The following AK7 variants were observed in gnomAD, a reference collection of about 807,000 sequenced individuals.
The protein encoded by AK7 is adenylate kinase 7, also known as ATP-AMP transphosphorylase 7.
A neutral mutation model predicts 96.6 loss-of-function variants in AK7; 78 were observed. The observed-to-expected ratio is 0.81, with a 90% confidence interval of 0.67 to 0.97. The LOEUF (loss-of-function observed/expected upper bound fraction) is 0.97, where lower values mean the gene tolerates loss of function less well. Ranked by LOEUF, AK7 falls within the 50% of genes least tolerant of loss-of-function variation. The pLI is 0.00. For missense variants in AK7, 855 were observed against 887.9 expected, an observed-to-expected ratio of 0.96 and a Z score of 0.47; for synonymous variants, 302 against 317.2, an observed-to-expected ratio of 0.95 and a Z score of 0.51.
At chr14:96,398,950 T>C (rs568618051) in intron 2 of AK7, 1 of 151,912 alleles carries the variant, frequency 6.6e-6, no homozygotes, top group African/African-American at 2.4e-5. Flanking sequence ...GCTTTCCACA[T>C]GCTGTACCCT....
Position 96,442,830 on chromosome 14 carries a change from C to T in AK7, c.779+12C>T. 1 of 1,609,480 alleles carries T rather than the reference C, an allele frequency of 6.2e-7. No homozygotes were observed. Among genetic ancestry groups the T allele is most frequent in the Non-Finnish European group, 8.5e-7 (1 of 1,175,752 alleles). On this transcript the variant is annotated intron_variant, in intron 7 of 17. Transcript: ENST00000267584. ...CTTGATCTAGCAGGGTAAGCATTCG[C>T]CCAGAGACGTGACCTTCACAGAATT...
At chr14:96,405,005 A>G in intron 3 of AK7, 140 bp downstream of exon 3, 1 of 451,624 alleles carries the variant, frequency 2.2e-6, no homozygotes, top group Non-Finnish European at 4.0e-6. Flanking sequence ...GAAATCCATG[A>G]TAATAATATG....
chr14:96,429,923 C>T, intron 5 of AK7, among the ~76,000 whole-genome samples: 1 of 152,214 alleles, frequency 6.6e-6, no homozygotes. Context: ...GACAATTTGA[C>T]TTCCTCTTTT....
At chr14:96,449,927 T>G (rs573706481) in intron 9 of AK7, 48 bp downstream of exon 9, 2 of 1,329,826 alleles carry the variant, frequency 1.5e-6, no homozygotes, top group Non-Finnish European at 2.1e-6. Context: ...TTCTCAATAA[T>G]ATGGAGTATT....
At chr14:96,412,058 C>T (rs993611637) in intron 4 of AK7, among the ~76,000 whole-genome samples, 1 of 152,094 alleles carries the variant, frequency 6.6e-6, no homozygotes, top group African/African-American at 2.4e-5. Context: ...GTCTATAAAA[C>T]AGAGCCCTCC....
chr14:96,428,416 G>A (rs1036679129), intron 5 of AK7, among the ~76,000 whole-genome samples: 3 of 152,174 alleles, frequency 2.0e-5, no homozygotes, highest in Non-Finnish European at 2.9e-5. Flanking sequence ...TAGTGCCGCA[G>A]TAAACATATG....
At chr14:96,406,579 T>TG (rs1019860842) in intron 3 of AK7, among the ~76,000 whole-genome samples, 3 of 152,300 alleles carry the variant, frequency 2.0e-5, no homozygotes, top group African/African-American at 4.8e-5. Context: ...CAGAGTCACC[T>TG]GGGGGGTATG....
chr14:96,467,995 G>A (rs185225097), intron 12 of AK7, among the ~76,000 whole-genome samples: 1 of 148,852 alleles, frequency 6.7e-6, no homozygotes, highest in South Asian at 2.1e-4. Flanking sequence ...CCAGCGCTTT[G>A]AGAGGCTGAG....
chr14:96,413,517 A>G (rs1891161339), intron 4 of AK7, among the ~76,000 whole-genome samples: 1 of 152,150 alleles, frequency 6.6e-6, no homozygotes, highest in Admixed American at 6.5e-5. Flanking sequence ...CTGCCGGGCA[A>G]CCCCTGTCCC....
intron 1 of AK7, among the ~76,000 whole-genome samples, chr14:96,394,585 A>G (rs150379341): frequency 6.6e-6 from 1 of 152,358 alleles, no homozygotes; most frequent in East Asian, 1.9e-4. Context: ...ACAGAGGGCC[A>G]GGTCATGGAT....
At chr14:96,433,183 G>T (rs1892452590) in intron 5 of AK7, among the ~76,000 whole-genome samples, 1 of 152,094 alleles carries the variant, frequency 6.6e-6, no homozygotes, top group African/African-American at 2.4e-5. Flanking sequence ...TCTTTGTGGT[G>T]TTCTCTGTAT....
At chr14:96,392,310 C>T (rs1216737580) in intron 1 of AK7, 51 bp downstream of exon 1, 6 of 1,515,170 alleles carry the variant, frequency 4.0e-6, no homozygotes, top group East Asian at 2.3e-5. Flanking sequence ...AGCTCCCAGC[C>T]CTCGGCCCCC....
rs201127650 is a variant in AK7, at chr14:96,460,952, G to A, written c.1357+2740G>A. ...CCTAGTTTTCTGGGATGGAGGAGGTGGTTTTGCATGCAAACACCAAGTGTT... is the reference window on the plus strand; with the variant it reads ...CCTAGTTTTCTGGGATGGAGGAGGTAGTTTTGCATGCAAACACCAAGTGTT... On this transcript the variant is annotated intron_variant, in intron 12 of 17. Transcript: ENST00000267584. Among the ~76,000 whole-genome samples the A allele has an allele frequency of 3.3e-5, 5 of 152,164 alleles. No homozygotes were observed. In the East Asian group the frequency reaches 9.6e-4, roughly 29 times the overall value.
chr14:96,463,448 G>A (rs1894373290), intron 12 of AK7, among the ~76,000 whole-genome samples: 2 of 151,886 alleles, frequency 1.3e-5, no homozygotes, highest in Admixed American at 6.6e-5. Context: ...AGCCGGGCGC[G>A]GTGGCTCACT....
intron 17 of AK7, chr14:96,487,824 A>T: frequency 5.0e-6 from 1 of 200,394 alleles, no homozygotes; most frequent in Non-Finnish European, 1.0e-5. Context: ...CATTTATAAT[A>T]AGATTTTTTT....
intron 12 of AK7, among the ~76,000 whole-genome samples, chr14:96,466,129 G>T (rs1435850913): frequency 6.6e-6 from 1 of 151,042 alleles, no homozygotes. Context: ...GTGCAGTGGT[G>T]CACATAGCTC....
intron 12 of AK7, among the ~76,000 whole-genome samples, chr14:96,468,212 C>G (rs1894685404): frequency 1.8e-5 from 2 of 113,348 alleles, no homozygotes; most frequent in African/African-American, 7.8e-5. Context: ...GAGACCCTGT[C>G]TCAAAAAAAA....
rs1893771451 is a variant in AK7, at chr14:96,454,367, ATATT to A, written c.1099-1977_1099-1974del. 2.0e-5 allele frequency among the ~76,000 whole-genome samples: 3 copies of A among 152,214 alleles called. No homozygotes were observed. In the South Asian group the frequency reaches 6.2e-4, roughly 32 times the overall value. On this transcript the variant is annotated intron_variant, in intron 10 of 17. Transcript: ENST00000267584. ...ATATTTTGACCTCTGTTAGAAATGAATATTTACTCATTGATTATGAACACCATAG... is the reference window on the plus strand; with the variant it reads ...ATATTTTGACCTCTGTTAGAAATGAATACTCATTGATTATGAACACCATAG...
chr14:96,439,330 G>A (rs1007395338), intron 6 of AK7, among the ~76,000 whole-genome samples: 1 of 151,950 alleles, frequency 6.6e-6, no homozygotes, highest in African/African-American at 2.4e-5. Flanking sequence ...GTTGAGAAGG[G>A]TGGGCAGGAA....
Sources: gnomAD v4.1 joint callset for allele counts (sites outside exome capture counted in the v4.1 genomes callset) on GRCh38, gnomAD v4.1.1 for gene constraint, MANE v1.5 for transcripts, NCBI Gene and HGNC (gene_info 2026-07-23, HGNC 2026-07-21) for gene names.